ANK3: variants seen among roughly 807,000 people sequenced by gnomAD.
The protein encoded by ANK3 is ankyrin 3, also known as ankyrin-3.
Under a neutral mutation model 370.9 loss-of-function variants are expected in ANK3, and 57 were observed. The ratio of observed to expected loss-of-function variants is 0.15; its 90% CI spans 0.12 to 0.19. The LOEUF is 0.19. Among genes scored for constraint, ANK3 ranks in the 10% least tolerant of loss-of-function variants. The pLI is 1.00. For synonymous variants in ANK3, 1,929 were observed against 1,946.3 expected, an observed-to-expected ratio of 0.99 and a Z score of 0.23; for missense variants, 4,439 against 5,302.1, an observed-to-expected ratio of 0.84 and a Z score of 5.06.
rs188391706 is a variant in ANK3 at position 60,215,936 on chromosome 10, G to A, written c.898-2426C>T. On this transcript the variant is annotated intron_variant, in intron 8 of 43. Coordinates refer to ENST00000280772, the MANE Select transcript of ANK3 (RefSeq NM_020987.5). The stretch of plus-strand genomic sequence containing the variant: ...AGCATTGAATCAATAAATTATTTTG[G>A]GCAGTATGGCCATTTTCACGATATT... Among the ~76,000 whole-genome samples, 134 of 152,236 alleles carry A rather than the reference G, an allele frequency of 8.8e-4. 2 individuals are homozygous for A. The highest frequency in any genetic ancestry group is 1.8e-3 in the Non-Finnish European group (120 of 68,010).
At chr10:60,469,865 C>A (rs1466485032) in intron 2 of ANK3, among the ~76,000 whole-genome samples, 1 of 151,276 alleles carries the variant, frequency 6.6e-6, no homozygotes, top group South Asian at 2.1e-4. Context: ...CCAATGAAAC[C>A]CATTCTCTCA....
At chr10:60,524,958 C>T (rs2076435383) in intron 2 of ANK3, among the ~76,000 whole-genome samples, 1 of 152,048 alleles carries the variant, frequency 6.6e-6, no homozygotes, top group Admixed American at 6.6e-5. Flanking sequence ...TAATTCAGCA[C>T]TGTATTTTGT....
intron 23 of ANK3, among the ~76,000 whole-genome samples, chr10:60,164,625 C>CA (rs1342566728): frequency 6.6e-6 from 1 of 152,030 alleles, no homozygotes; most frequent in Non-Finnish European, 1.5e-5. Context: ...TCAAATACAC[C>CA]AAAGCTTGAA....
chr10:60,372,321 C>T (rs2060207550), intron 1 of ANK3, among the ~76,000 whole-genome samples: 1 of 152,160 alleles, frequency 6.6e-6, no homozygotes, highest in African/African-American at 2.4e-5. Context: ...ATATTATGAT[C>T]TAGACAATCC....
chr10:60,582,706 T>C (rs924546544), intron 2 of ANK3, among the ~76,000 whole-genome samples: 2 of 150,908 alleles, frequency 1.3e-5, no homozygotes, highest in Non-Finnish European at 3.0e-5. Flanking sequence ...TTCTACATTT[T>C]GGATATGAGC....
chr10:60,102,309 G>A (rs1326986381), intron 28 of ANK3, among the ~76,000 whole-genome samples: 4 of 151,988 alleles, frequency 2.6e-5, no homozygotes, highest in African/African-American at 9.7e-5. Context: ...TTACACGGCA[G>A]TTGTGACTAT....
intron 23 of ANK3, chr10:60,141,067 G>A (rs1193652187): frequency 1.0e-6 from 1 of 976,468 alleles, no homozygotes; most frequent in Admixed American, 6.2e-5. Context: ...GTGGAAGGAG[G>A]GGAAAAAGAG....
intron 2 of ANK3, among the ~76,000 whole-genome samples, chr10:60,583,594 T>C (rs1596195): frequency 0.69 from 100,349 of 145,854 alleles, 34,853 homozygotes; most frequent in South Asian, 0.88. Context: ...GTTCTGTCAC[T>C]CAGGCTGGAG....
At chr10:60,434,308 C>T (rs558310339) in intron 2 of ANK3, among the ~76,000 whole-genome samples, 1 of 152,118 alleles carries the variant, frequency 6.6e-6, no homozygotes, top group South Asian at 2.1e-4. Context: ...ATAGCATAGC[C>T]CATGTTTTCA....
chr10:60,484,918 CTG>C (rs745593969), intron 2 of ANK3, among the ~76,000 whole-genome samples: 1 of 151,998 alleles, frequency 6.6e-6, no homozygotes, highest in Non-Finnish European at 1.5e-5. Flanking sequence ...ATATGTGTGT[CTG>C]TGTATTTTGG....
chr10:60,441,670 T>G (rs1235710012), intron 2 of ANK3, among the ~76,000 whole-genome samples: 1 of 152,200 alleles, frequency 6.6e-6, no homozygotes, highest in Admixed American at 6.5e-5. Flanking sequence ...TACAATAAGA[T>G]CACTTAATTC....
chr10:60,167,514 CTTTCTCTTTGAT>C (rs1212683534), intron 21 of ANK3, among the ~76,000 whole-genome samples: 2 of 152,076 alleles, frequency 1.3e-5, no homozygotes, highest in Non-Finnish European at 2.9e-5. Flanking sequence ...GCCTCTTTTA[CTTTCTCTTTGAT>C]AACTTAGATT....
intron 28 of ANK3, among the ~76,000 whole-genome samples, chr10:60,089,597 G>T (rs1240775745): frequency 2.6e-5 from 4 of 152,066 alleles, no homozygotes; most frequent in African/African-American, 9.7e-5. Context: ...GGCATAATAA[G>T]TGTTTGAGAT....
Position 60,072,581 on chromosome 10 carries a change from T to C in ANK3, c.8300A>G (p.Gln2767Arg). The change falls in exon 37 of 44, where the codon CAG becomes CGG. Residue 2767 changes from glutamine (Q) to arginine (R), a missense_variant. Physicochemically the swap from Gln to Arg is conservative, Grantham distance 43. This residue lies in a region of ANK3 where 1,601 missense variants were observed against 1,731.7 expected (regional missense o/e 0.92). Transcript: ENST00000280772. The stretch of plus-strand genomic sequence containing the variant: ...ATCTGGGAGGTCTATGGCCTTCTGC[T>C]GTTTTTCTCTAGCAAAAACTTGGTA... ...PVYQVFAREK[Q>R]QKAIDLPDES... 1 of 1,613,704 alleles carries C rather than the reference T, an allele frequency of 6.2e-7. No individual in the cohort carries two copies. Among genetic ancestry groups the C allele is most frequent in the East Asian group, 2.2e-5 (1 of 44,884 alleles).
Position 60,583,525 on chromosome 10 carries a change from GT to G in ANK3, c.96+31660del, listed in dbSNP as rs112679282. On this transcript the variant is annotated intron_variant, in intron 2 of 43. Transcript: ENST00000373827. ...AGAGGTTTTTTGTTTTTTGTTTTTT[GT>G]TTTTTTTTGAGGTGGAATCTCGTTC... is the stretch of plus-strand genomic sequence containing the variant. Among the ~76,000 whole-genome samples, 50 of 87,480 alleles carry G rather than the reference GT, an allele frequency of 5.7e-4. 5 individuals are homozygous for G. Among genetic ancestry groups the G allele is most frequent in the African/African-American group, 2.0e-3 (48 of 24,078 alleles). The allele number at this position is 87,480 out of a possible 152,430, so 57.4% of individuals were successfully genotyped here.
intron 1 of ANK3, among the ~76,000 whole-genome samples, chr10:60,624,862 G>T (rs1013562428): frequency 2.8e-4 from 42 of 152,100 alleles, no homozygotes; most frequent in African/African-American, 1.0e-3. Flanking sequence ...TCAATTAAAT[G>T]GTTAGTAAAT....
At position 60,592,720 on chromosome 10, in the gene ANK3, C is replaced by T. The variant is rs546769021; in HGVS notation, c.96+22466G>A. Among the ~76,000 whole-genome samples the T allele has an allele frequency of 1.1e-3, 174 of 152,246 alleles. 2 individuals are homozygous for T. The highest frequency in any genetic ancestry group is 3.7e-3 in the South Asian group (18 of 4,822). On this transcript the variant is annotated intron_variant, in intron 2 of 43. Transcript: ENST00000373827. ...CAGAAGTCGCAGTGAGCTGAGATCA[C>T]GCCACTGTATCCAGCCTGGGCGACA...
At chr10:60,660,645 G>A (rs1213356300) in intron 1 of ANK3, among the ~76,000 whole-genome samples, 1 of 152,104 alleles carries the variant, frequency 6.6e-6, no homozygotes, top group Non-Finnish European at 1.5e-5. Flanking sequence ...TGGCAGAAAT[G>A]CGATGGAATA....
chr10:60,090,013 A>T (rs2132033135), intron 28 of ANK3, among the ~76,000 whole-genome samples: 1 of 152,256 alleles, frequency 6.6e-6, no homozygotes, highest in African/African-American at 2.4e-5. Flanking sequence ...TTTGCTTAGG[A>T]GACAACTATT....
Sources: allele counts gnomAD v4.1 joint callset (sites outside exome capture counted in the v4.1 genomes callset), GRCh38; gene constraint gnomAD v4.1.1; regional missense constraint gnomAD v4.1.1; transcripts MANE v1.5; gene names NCBI Gene and HGNC (gene_info 2026-07-23, HGNC 2026-07-21).